PDSS2: variants seen among roughly 807,000 people sequenced by gnomAD.
The protein encoded by PDSS2 is decaprenyl diphosphate synthase subunit 2.
Under a neutral mutation model 44.5 loss-of-function variants are expected in PDSS2, and 31 were observed. That is an observed-to-expected ratio of 0.70 (90% CI 0.52 to 0.94). The LOEUF (loss-of-function observed/expected upper bound fraction) is 0.94. Among genes scored for constraint, PDSS2 ranks in the 40% least tolerant of loss-of-function variants. PDSS2 has a pLI of 0.00. For missense variants in PDSS2, 452 were observed against 482.2 expected, an observed-to-expected ratio of 0.94 and a Z score of 0.59; for synonymous variants, 157 against 180.3, an observed-to-expected ratio of 0.87 and a Z score of 1.03.
chr6:107,320,649 A>G (rs1379712988), intron 2 of PDSS2, among the ~76,000 whole-genome samples: 1 of 152,220 alleles, frequency 6.6e-6, no homozygotes. Flanking sequence ...ACATGCAGTA[A>G]TAGAGATAAT....
intron 1 of PDSS2, among the ~76,000 whole-genome samples, chr6:107,374,184 G>GT: frequency 6.7e-6 from 1 of 150,348 alleles, no homozygotes; most frequent in South Asian, 2.1e-4. Context: ...AACCCAGGAG[G>GT]TGGAGGTTGC....
intron 4 of PDSS2, among the ~76,000 whole-genome samples, chr6:107,242,292 C>A (rs1774461736): frequency 1.3e-5 from 2 of 152,092 alleles, no homozygotes; most frequent in South Asian, 2.1e-4. Context: ...GAGACGGAGT[C>A]TTGCTCTGTC....
chr6:107,185,443 A>G (rs1410382779), intron 7 of PDSS2, among the ~76,000 whole-genome samples: 1 of 152,198 alleles, frequency 6.6e-6, no homozygotes, highest in East Asian at 1.9e-4. Flanking sequence ...TATTTAAACA[A>G]GCCATTTTGA....
At chr6:107,202,387 A>C (rs1772813798) in intron 6 of PDSS2, among the ~76,000 whole-genome samples, 1 of 152,092 alleles carries the variant, frequency 6.6e-6, no homozygotes, top group South Asian at 2.1e-4. Flanking sequence ...TCTGCAAAAA[A>C]AAAACAAACA....
intron 1 of PDSS2, among the ~76,000 whole-genome samples, chr6:107,403,932 A>G (rs950022596): frequency 4.6e-5 from 7 of 152,130 alleles, no homozygotes; most frequent in Admixed American, 1.3e-4. Flanking sequence ...TTGGCTTCTC[A>G]TTACTTATCC....
At chr6:107,445,912 G>A (rs576753640) in intron 1 of PDSS2, among the ~76,000 whole-genome samples, 2 of 152,200 alleles carry the variant, frequency 1.3e-5, no homozygotes, top group African/African-American at 4.8e-5. Context: ...CTGTCTCCCA[G>A]GTCTTCTTTC....
intron 1 of PDSS2, among the ~76,000 whole-genome samples, chr6:107,395,009 T>C (rs1457188057): frequency 6.6e-6 from 1 of 152,208 alleles, no homozygotes; most frequent in African/African-American, 2.4e-5. Flanking sequence ...TTCTTTCAGC[T>C]TTGATTTGTC....
In PDSS2 at chr6:107,152,928, C is replaced by G. The variant is rs748980679; in HGVS notation, c.*1691G>C. 6.6e-6 allele frequency: 1 copy of G among 152,238 alleles called. No homozygotes were observed. Among genetic ancestry groups the G allele is most frequent in the Non-Finnish European group, 1.5e-5 (1 of 68,038 alleles). The allele number at this position is 152,238 out of a possible 1,614,324, so 9.4% of individuals were successfully genotyped here. A position where few individuals can be genotyped will look rare whatever the true frequency, so the allele number is the denominator to read the frequency against. Reference sequence around the variant, plus strand: ...TTTCAGTGACAGAAAGCATTTCAAACAGAACAGTGTTCTCTTAAGCTAAAT... The same window carrying G: ...TTTCAGTGACAGAAAGCATTTCAAAGAGAACAGTGTTCTCTTAAGCTAAAT... On this transcript the variant is annotated 3_prime_UTR_variant, in exon 8 of 8. Coordinates refer to ENST00000369037, the MANE Select transcript of PDSS2 (RefSeq NM_020381.4).
intron 2 of PDSS2, among the ~76,000 whole-genome samples, chr6:107,314,814 T>C (rs1466666625): frequency 6.6e-6 from 1 of 152,234 alleles, no homozygotes; most frequent in East Asian, 1.9e-4. Flanking sequence ...ACAGAACCAT[T>C]ATCTAACACA....
At position 107,360,559 on chromosome 6, in the gene PDSS2, G is replaced by A. The variant is rs548437536; in HGVS notation, c.297-26227C>T. 1.6e-4 allele frequency among the ~76,000 whole-genome samples: 20 copies of A among 124,112 alleles called. 1 individual carries two copies. The highest frequency in any genetic ancestry group is 5.9e-4 in the African/African-American group (20 of 33,704). The allele number at this position is 124,112 out of a possible 152,430, so 81.4% of individuals were successfully genotyped here. A position where few individuals can be genotyped will look rare whatever the true frequency, so the allele number is the denominator to read the frequency against. On this transcript the variant is annotated intron_variant, in intron 1 of 7. Transcript: ENST00000369037. ...CTTCTCTGCTTCTAGAAGCCTACAA[G>A]CTCTGCATTAAAAACCAACAAAAAA...
In PDSS2 at chr6:107,254,503, C is replaced by T. The variant is rs902583590; in HGVS notation, c.631-8884G>A. 3.9e-5 allele frequency among the ~76,000 whole-genome samples: 6 copies of T among 152,224 alleles called. No homozygotes were observed. The East Asian group carries it at 5.8e-4, about 15-fold the overall frequency. The stretch of plus-strand genomic sequence containing the variant: ...ACTTGGTCATGAAACAAACAAGCAA[C>T]GTAAAACTGATTATCATATAGCAGT... On this transcript the variant is annotated intron_variant, in intron 3 of 7. Coordinates refer to ENST00000369037, the MANE Select transcript of PDSS2 (RefSeq NM_020381.4).
intron 7 of PDSS2, among the ~76,000 whole-genome samples, chr6:107,162,311 A>G (rs1224586703): frequency 6.6e-6 from 1 of 151,920 alleles, no homozygotes. Context: ...CCTGGCCAAC[A>G]TGGTGTAACC....
chr6:107,218,195 T>C (rs1773480000), intron 4 of PDSS2, among the ~76,000 whole-genome samples: 1 of 152,198 alleles, frequency 6.6e-6, no homozygotes, highest in African/African-American at 2.4e-5. Context: ...ATTTAGATAT[T>C]TGGCTCTCTA....
intron 7 of PDSS2, among the ~76,000 whole-genome samples, chr6:107,173,645 A>G (rs1554249215): frequency 6.6e-6 from 1 of 150,660 alleles, no homozygotes; most frequent in African/African-American, 2.4e-5. Context: ...CCAGAACTTA[A>G]TGCTTGGTTT....
chr6:107,358,333 A>G (rs1290331092), intron 1 of PDSS2, among the ~76,000 whole-genome samples: 1 of 152,206 alleles, frequency 6.6e-6, no homozygotes, highest in Non-Finnish European at 1.5e-5. Flanking sequence ...TGGATAAGGG[A>G]TACTCAACCT....
intron 7 of PDSS2, among the ~76,000 whole-genome samples, chr6:107,188,029 C>CA (rs1288101600): frequency 6.6e-6 from 1 of 152,188 alleles, no homozygotes; most frequent in Admixed American, 6.5e-5. Context: ...CAAACCCTGG[C>CA]AGTCGTGTTC....
At chr6:107,362,513 C>T (rs921983589) in intron 1 of PDSS2, among the ~76,000 whole-genome samples, 5 of 152,134 alleles carry the variant, frequency 3.3e-5, no homozygotes, top group Admixed American at 1.3e-4. Flanking sequence ...ATACAGACTT[C>T]AAAGGTTTAG....
chr6:107,215,127 A>C (rs1466506348), intron 4 of PDSS2, among the ~76,000 whole-genome samples: 1 of 152,166 alleles, frequency 6.6e-6, no homozygotes, highest in South Asian at 2.1e-4. Flanking sequence ...AAATGTGACA[A>C]TATATATTAA....
At chr6:107,307,613 T>C (rs932374846) in intron 2 of PDSS2, among the ~76,000 whole-genome samples, 3 of 152,120 alleles carry the variant, frequency 2.0e-5, no homozygotes, top group Admixed American at 2.0e-4. Context: ...CTTTATACTT[T>C]TCCAAGTAAC....
Sources: allele counts gnomAD v4.1 joint callset (sites outside exome capture counted in the v4.1 genomes callset), GRCh38; gene constraint gnomAD v4.1.1; transcripts MANE v1.5; gene names NCBI Gene and HGNC (gene_info 2026-07-23, HGNC 2026-07-21).